Variants in TLN2 observed in about 807,000 individuals in gnomAD.
TLN2 encodes talin-2.
Under a neutral mutation model 294.7 loss-of-function variants are expected in TLN2, and 118 were observed. The observed-to-expected ratio is 0.40, with a 90% CI of 0.34 to 0.47. The LOEUF (loss-of-function observed/expected upper bound fraction) is 0.47, where lower values mean the gene tolerates loss of function less well. Among genes scored for constraint, TLN2 ranks in the 20% least tolerant of loss-of-function variants. The pLI, the probability that TLN2 is intolerant of heterozygous loss-of-function variation, is 0.84. For missense variants in TLN2, 3,083 were observed against 3,282.2 expected (o/e 0.94, Z 1.48); for synonymous variants, 1,431 against 1,304.5 (o/e 1.10, Z -2.09).
chr15:62,661,179 G>T (rs921252615), intron 9 of TLN2, among the ~76,000 whole-genome samples: 2 of 152,134 alleles, frequency 1.3e-5, no homozygotes, highest in Non-Finnish European at 2.9e-5. Context: ...ATATTTTATT[G>T]GAGAAGATGA....
At chr15:62,720,936 T>C (rs953678925) in intron 25 of TLN2, among the ~76,000 whole-genome samples, 10 of 152,184 alleles carry the variant, frequency 6.6e-5, no homozygotes, top group African/African-American at 2.2e-4. Flanking sequence ...TCTTTAGGAC[T>C]TTGCAGATTA....
intron 1 of TLN2, among the ~76,000 whole-genome samples, chr15:62,548,396 A>G (rs2042112552): frequency 6.6e-6 from 1 of 152,218 alleles, no homozygotes; most frequent in African/African-American, 2.4e-5. Context: ...GCTTTGGATG[A>G]CAGAAACCCC....
intron 32 of TLN2, among the ~76,000 whole-genome samples, chr15:62,743,065 C>G (rs918612044): frequency 6.6e-6 from 1 of 152,098 alleles, no homozygotes. Context: ...GTATTTATAA[C>G]CCTCATTATG....
At chr15:62,741,613 G>A (rs2061323141) in intron 32 of TLN2, among the ~76,000 whole-genome samples, 1 of 152,210 alleles carries the variant, frequency 6.6e-6, no homozygotes, top group Non-Finnish European at 1.5e-5. Context: ...TGACAGTGGA[G>A]AGAGATTAAA....
At chr15:62,447,153 ATATTTATT>A (rs201934193) in intron 1 of TLN2, among the ~76,000 whole-genome samples, 4 of 82,466 alleles carry the variant, frequency 4.9e-5, no homozygotes, top group Non-Finnish European at 1.1e-4. Context: ...CAAGAAGCCT[ATATTTATT>A]TATTTATTTG....
rs146429299 is a variant in TLN2 at position 62,718,169 on chromosome 15, CT to C, written c.2877+482del. On this transcript the variant is annotated intron_variant, in intron 24 of 58. Transcript: ENST00000636159. Reference sequence around the variant, plus strand: ...TTGTTGTTGCTCTTTTGTCTCTATTCTTCTGACACCTGGGCCTTGATGCTAA... The same window carrying C: ...TTGTTGTTGCTCTTTTGTCTCTATTCTCTGACACCTGGGCCTTGATGCTAA... Among the ~76,000 whole-genome samples, 1,217 of 152,294 alleles carry C rather than the reference CT, an allele frequency of 8.0e-3. 16 individuals are homozygous for C. Among genetic ancestry groups the C allele is most frequent in the African/African-American group, 0.027 (1,118 of 41,562 alleles).
chr15:62,640,012 C>T (rs2050832241), intron 3 of TLN2: 8 of 385,910 alleles, frequency 2.1e-5, no homozygotes, highest in South Asian at 1.4e-4. Flanking sequence ...GCCTGGCCTG[C>T]TCAGTGCCTG....
intron 11 of TLN2, among the ~76,000 whole-genome samples, chr15:62,678,591 G>A (rs1382739991): frequency 6.6e-6 from 1 of 151,314 alleles, no homozygotes; most frequent in Non-Finnish European, 1.5e-5. Context: ...AGCACTTTGG[G>A]AGGCCAGGGC....
At chr15:62,642,982 G>A (rs1360524778) in intron 3 of TLN2, among the ~76,000 whole-genome samples, 2 of 152,140 alleles carry the variant, frequency 1.3e-5, no homozygotes, top group Admixed American at 6.5e-5. Context: ...GATTACAGGC[G>A]TGAGCCACTG....
Position 62,768,321 on chromosome 15 carries a change from C to T in TLN2, c.5196+1899C>T, listed in dbSNP as rs548117959. ...GATTCCCTAGAGAATCTGTTCTTTG[C>T]TGCTTATATCTTCCTATGGCTCCTG... On this transcript the variant is annotated intron_variant, in intron 41 of 58. Coordinates refer to ENST00000636159, the MANE Select transcript of TLN2 (RefSeq NM_015059.3). 1.3e-3 allele frequency among the ~76,000 whole-genome samples: 201 copies of T among 152,324 alleles called. 1 individual carries two copies. The highest frequency in any genetic ancestry group is 4.7e-3 in the African/African-American group (196 of 41,562).
In TLN2 at chr15:62,523,876, T is replaced by C. The variant is rs1567056479; in HGVS notation, c.-237-65811T>C. Among the ~76,000 whole-genome samples, 3 of 152,240 alleles carry C rather than the reference T, an allele frequency of 2.0e-5. No homozygotes were observed. The South Asian group carries it at 6.2e-4, about 32-fold the overall frequency. On this transcript the variant is annotated intron_variant, in intron 1 of 58. Transcript: ENST00000636159. ...ACTAAATTGCACAGTGCTGTATGAA[T>C]GCGAGATATGCTTTATTCCTTTCCT...
intron 25 of TLN2, among the ~76,000 whole-genome samples, chr15:62,721,229 A>T (rs2060128234): frequency 6.6e-6 from 1 of 152,248 alleles, no homozygotes; most frequent in South Asian, 2.1e-4. Context: ...ACTTCATGTT[A>T]TAACATTGCT....
intron 1 of TLN2, among the ~76,000 whole-genome samples, chr15:62,403,498 G>A (rs976292361): frequency 6.6e-6 from 1 of 152,218 alleles, no homozygotes; most frequent in Non-Finnish European, 1.5e-5. Context: ...CTCCCGAAGT[G>A]TTGGGATTAC....
chr15:62,727,787 A>G (rs1224637790), intron 28 of TLN2, among the ~76,000 whole-genome samples: 1 of 152,260 alleles, frequency 6.6e-6, no homozygotes, highest in Non-Finnish European at 1.5e-5. Context: ...TAGGAAGTCT[A>G]TACATATCTC....
chr15:62,548,145 G>T (rs2042097421), intron 1 of TLN2, among the ~76,000 whole-genome samples: 1 of 152,170 alleles, frequency 6.6e-6, no homozygotes. Flanking sequence ...TATGGTCCTG[G>T]ATGTCTGCCC....
intron 1 of TLN2, among the ~76,000 whole-genome samples, chr15:62,502,777 A>G (rs528313990): frequency 9.8e-4 from 149 of 152,310 alleles, no homozygotes; most frequent in African/African-American, 3.4e-3. Context: ...TAAGAATGCA[A>G]GTGAGTGTGA....
intron 28 of TLN2, among the ~76,000 whole-genome samples, chr15:62,735,991 T>C (rs1031588943): frequency 6.6e-6 from 1 of 152,072 alleles, no homozygotes; most frequent in Non-Finnish European, 1.5e-5. Context: ...AGAATATATA[T>C]ATGTGGTTCT....
At chr15:62,811,540 A>T (rs1057248146) in intron 52 of TLN2, among the ~76,000 whole-genome samples, 1 of 152,220 alleles carries the variant, frequency 6.6e-6, no homozygotes, top group African/African-American at 2.4e-5. Context: ...AATAGGGTGC[A>T]ATCAGTAGAT....
intron 1 of TLN2, among the ~76,000 whole-genome samples, chr15:62,426,574 A>ACCAGC (rs1314567816): frequency 6.6e-6 from 1 of 152,218 alleles, no homozygotes; most frequent in Admixed American, 6.5e-5. Context: ...TTGTATGGTA[A>ACCAGC]TGGGGACTAA....
Sources: gnomAD v4.1 joint callset for allele counts (sites outside exome capture counted in the v4.1 genomes callset) on GRCh38, gnomAD v4.1.1 for gene constraint, MANE v1.5 for transcripts, NCBI Gene and HGNC (gene_info 2026-07-23, HGNC 2026-07-21) for gene names.